The following TMEM132C variants were observed in gnomAD, a reference collection of about 807,000 sequenced individuals.
TMEM132C encodes protein phosphatase 1, regulatory subunit 152.
Under a neutral mutation model 61.4 loss-of-function variants are expected in TMEM132C, and 29 were observed. The ratio of observed to expected loss-of-function variants is 0.47; its 90% CI spans 0.35 to 0.64. The LOEUF is 0.64. Ranked by LOEUF, TMEM132C falls within the 30% of genes least tolerant of loss-of-function variation. The pLI, the probability that TMEM132C is intolerant of heterozygous loss-of-function variation, is 0.00. For synonymous variants in TMEM132C, 656 were observed against 633.1 expected (o/e 1.04, Z -0.54); for missense variants, 1,408 against 1,476.9 (o/e 0.95, Z 0.76).
At chr12:128,374,000 T>C (rs982085582) in intron 1 of TMEM132C, among the ~76,000 whole-genome samples, 1 of 152,208 alleles carries the variant, frequency 6.6e-6, no homozygotes, top group African/African-American at 2.4e-5. Flanking sequence ...CTTAAGATCC[T>C]GTGTCTCTCA....
intron 1 of TMEM132C, among the ~76,000 whole-genome samples, chr12:128,281,027 C>T (rs147949815): frequency 6.6e-6 from 1 of 152,146 alleles, no homozygotes; most frequent in African/African-American, 2.4e-5. Context: ...AGACTGTGAT[C>T]AACACAGGTC....
intron 2 of TMEM132C, among the ~76,000 whole-genome samples, chr12:128,482,842 C>T (rs939890729): frequency 6.6e-6 from 1 of 152,144 alleles, no homozygotes; most frequent in Non-Finnish European, 1.5e-5. Flanking sequence ...TGCTTATCTC[C>T]CAGCACCAAG....
At chr12:128,390,681 A>G (rs1035680147) in intron 1 of TMEM132C, among the ~76,000 whole-genome samples, 2 of 152,172 alleles carry the variant, frequency 1.3e-5, no homozygotes, top group African/African-American at 4.8e-5. Flanking sequence ...TATTCTGTCT[A>G]CAGGGTTTTA....
intron 4 of TMEM132C, among the ~76,000 whole-genome samples, chr12:128,648,333 G>T (rs576586324): frequency 7.3e-5 from 11 of 149,866 alleles, no homozygotes; most frequent in South Asian, 2.1e-4. Context: ...GTTTACTGGA[G>T]TCCATCAGCA....
At chr12:128,472,602 A>G (rs1181828744) in intron 2 of TMEM132C, among the ~76,000 whole-genome samples, 2 of 152,176 alleles carry the variant, frequency 1.3e-5, no homozygotes, top group Admixed American at 6.5e-5. Context: ...TTTCTATATC[A>G]TGTTTGCTGT....
chr12:128,429,288 C>T (rs1311388173), intron 2 of TMEM132C, among the ~76,000 whole-genome samples: 1 of 152,144 alleles, frequency 6.6e-6, no homozygotes, highest in Non-Finnish European at 1.5e-5. Flanking sequence ...GACAGCCTCC[C>T]CACTAACCCC....
intron 2 of TMEM132C, among the ~76,000 whole-genome samples, chr12:128,536,122 C>T (rs139472076): frequency 0.02 from 3,018 of 152,212 alleles, 149 homozygotes; most frequent in East Asian, 0.14. Context: ...TTCACAATAG[C>T]AAAGACTTGG....
At chr12:128,364,585 C>T (rs993499450) in intron 1 of TMEM132C, among the ~76,000 whole-genome samples, 1 of 152,172 alleles carries the variant, frequency 6.6e-6, no homozygotes, top group African/African-American at 2.4e-5. Flanking sequence ...CTCCCTTTTT[C>T]TCCTCTGTCC....
At chr12:128,671,143 C>T (rs963362791) in intron 5 of TMEM132C, among the ~76,000 whole-genome samples, 7 of 152,220 alleles carry the variant, frequency 4.6e-5, no homozygotes, top group Non-Finnish European at 7.3e-5. Flanking sequence ...CTCAAATTCA[C>T]TTCCATTTTG....
At chr12:128,606,841 CA>C (rs753994452) in intron 3 of TMEM132C, among the ~76,000 whole-genome samples, 3 of 152,310 alleles carry the variant, frequency 2.0e-5, no homozygotes, top group Middle Eastern at 3.4e-3. Flanking sequence ...ACAAGCTTTT[CA>C]GAGAGTAGAT....
At chr12:128,687,266 G>A (rs1954684842) in intron 5 of TMEM132C, among the ~76,000 whole-genome samples, 3 of 151,856 alleles carry the variant, frequency 2.0e-5, no homozygotes, top group Middle Eastern at 6.8e-3. Flanking sequence ...ATTTGAGCAA[G>A]GCAGGGATTC....
In TMEM132C at chr12:128,695,888, C is replaced by T; in HGVS notation, c.1714C>T (p.Leu572=). The part of the protein sequence containing the change: ...EEERRGRGCA[L]QYQHATVRVL... ...GGAGCGGCGGGGCCGGGGCTGCGCA[C>T]TGCAATACCAGCACGCCACCGTGCG... The change falls in exon 7 of 9, where the codon CTG becomes TTG. Residue 572 remains leucine (L), a synonymous_variant. Coordinates refer to ENST00000435159, the MANE Select transcript of TMEM132C (RefSeq NM_001136103.3). The T allele has an allele frequency of 1.9e-6, 3 of 1,551,286 alleles. No homozygotes were observed. Among genetic ancestry groups the T allele is most frequent in the Non-Finnish European group, 1.7e-6 (2 of 1,146,936 alleles).
chr12:128,447,240 T>C (rs1870011734), intron 2 of TMEM132C, among the ~76,000 whole-genome samples: 1 of 152,152 alleles, frequency 6.6e-6, no homozygotes, highest in Non-Finnish European at 1.5e-5. Context: ...CATGATTGGC[T>C]GAGTTTGGCC....
chr12:128,340,753 T>C (rs1872930371), intron 1 of TMEM132C, among the ~76,000 whole-genome samples: 1 of 149,692 alleles, frequency 6.7e-6, no homozygotes, highest in Non-Finnish European at 1.5e-5. Flanking sequence ...TTTTTTCTTT[T>C]TCTTTCTTTC....
At chr12:128,533,372 T>C (rs1873400720) in intron 2 of TMEM132C, among the ~76,000 whole-genome samples, 1 of 152,176 alleles carries the variant, frequency 6.6e-6, no homozygotes, top group Non-Finnish European at 1.5e-5. Flanking sequence ...CTTGCTTCTT[T>C]ATTTTCATGT....
chr12:128,562,118 A>G (rs1330487080), intron 3 of TMEM132C, among the ~76,000 whole-genome samples: 2 of 152,212 alleles, frequency 1.3e-5, no homozygotes, highest in Middle Eastern at 3.4e-3. Flanking sequence ...AAAACTGGAA[A>G]CCGCATCTCT....
chr12:128,410,454 G>A (rs1868496900), intron 1 of TMEM132C, among the ~76,000 whole-genome samples: 1 of 152,172 alleles, frequency 6.6e-6, no homozygotes, highest in Non-Finnish European at 1.5e-5. Context: ...CCAGGCTAGA[G>A]TGCAGTGGCA....
At chr12:128,317,903 A>T (rs1457021173) in intron 1 of TMEM132C, among the ~76,000 whole-genome samples, 1 of 152,248 alleles carries the variant, frequency 6.6e-6, no homozygotes, top group East Asian at 1.9e-4. Flanking sequence ...GTCTCAAAAA[A>T]GTTATAAATT....
At chr12:128,363,810 A>AC in intron 1 of TMEM132C, among the ~76,000 whole-genome samples, 1 of 146,840 alleles carries the variant, frequency 6.8e-6, no homozygotes, top group South Asian at 2.2e-4. Context: ...ACATCACTAC[A>AC]CTGCAGCCTG....
Sources: allele counts gnomAD v4.1 joint callset (sites outside exome capture counted in the v4.1 genomes callset), GRCh38; gene constraint gnomAD v4.1.1; transcripts MANE v1.5; gene names NCBI Gene and HGNC (gene_info 2026-07-23, HGNC 2026-07-21).